Variants in TSNARE1 observed in about 807,000 individuals in gnomAD.
The protein encoded by TSNARE1 is t-SNARE domain-containing protein 1.
A neutral mutation model predicts 62.0 loss-of-function variants in TSNARE1; 49 were observed. That is an observed-to-expected ratio of 0.79 (90% CI 0.63 to 1.00). TSNARE1 has a LOEUF of 1.00. Ranked by LOEUF, TSNARE1 falls within the 50% of genes least tolerant of loss-of-function variation. The pLI is 0.00. For synonymous variants in TSNARE1, 328 were observed against 294.4 expected, an observed-to-expected ratio of 1.11 and a Z score of -1.17; for missense variants, 755 against 700.1, an observed-to-expected ratio of 1.08 and a Z score of -0.88.
chr8:142,331,476 A>C (rs919927526), intron 5 of TSNARE1, among the ~76,000 whole-genome samples: 7 of 152,204 alleles, frequency 4.6e-5, no homozygotes, highest in Non-Finnish European at 8.8e-5. Context: ...GGCAGGGGGC[A>C]GCAGGCAGGA....
intron 1 of TSNARE1, among the ~76,000 whole-genome samples, chr8:142,368,322 G>C (rs1484470981): frequency 6.6e-6 from 1 of 152,132 alleles, no homozygotes; most frequent in Non-Finnish European, 1.5e-5. Flanking sequence ...TATAAAACTG[G>C]TGCTTAAACA....
intron 1 of TSNARE1, among the ~76,000 whole-genome samples, chr8:142,374,493 A>G (rs901873382): frequency 2.0e-5 from 3 of 151,680 alleles, no homozygotes; most frequent in African/African-American, 7.3e-5. Flanking sequence ...CCTGGCTAAC[A>G]TGGTGAAACC....
intron 12 of TSNARE1, among the ~76,000 whole-genome samples, chr8:142,251,808 C>G (rs1818180717): frequency 6.8e-6 from 1 of 147,088 alleles, no homozygotes; most frequent in Non-Finnish European, 1.5e-5. Context: ...GCCCGGGCAC[C>G]ATGTACCCGC....
At position 142,311,018 on chromosome 8, in the gene TSNARE1, T is replaced by C. The variant is rs569353384; in HGVS notation, c.1131+3366A>G. Among the ~76,000 whole-genome samples the C allele has an allele frequency of 7.2e-5, 11 of 151,946 alleles. No individual in the cohort carries two copies. In the East Asian group the frequency reaches 2.2e-3, roughly 30 times the overall value. ...CACCTGCCACCACACCCGACAAAAA[T>C]TATGTATTTTTAGTAGAGACGGGGT... On this transcript the variant is annotated intron_variant, in intron 9 of 13. Coordinates refer to ENST00000524325, the MANE Select transcript of TSNARE1 (RefSeq NM_145003.5).
intron 4 of TSNARE1, among the ~76,000 whole-genome samples, chr8:142,332,229 G>A (rs1039692307): frequency 1.4e-4 from 22 of 152,208 alleles, no homozygotes; most frequent in African/African-American, 4.6e-4. Context: ...GCTCTGCACC[G>A]GCAGCTCAGC....
At chr8:142,247,237 G>C (rs780528266) in intron 12 of TSNARE1, among the ~76,000 whole-genome samples, 20 of 152,180 alleles carry the variant, frequency 1.3e-4, no homozygotes, top group Non-Finnish European at 1.5e-4. Context: ...GAGAACGGCT[G>C]CCTGGACTGA....
intron 1 of TSNARE1, among the ~76,000 whole-genome samples, chr8:142,393,897 C>T (rs747238728): frequency 4.6e-5 from 7 of 152,194 alleles, no homozygotes; most frequent in Non-Finnish European, 7.3e-5. Context: ...CACTTCCTGG[C>T]CTCTTGTGGT....
At chr8:142,360,299 CGGAG>C (rs1361538674) in intron 1 of TSNARE1, among the ~76,000 whole-genome samples, 2 of 152,098 alleles carry the variant, frequency 1.3e-5, no homozygotes, top group Admixed American at 1.3e-4. Context: ...GAGGGGGACA[CGGAG>C]TCCCTTGGGG....
intron 1 of TSNARE1, among the ~76,000 whole-genome samples, chr8:142,356,343 T>TC (rs1325050225): frequency 6.6e-6 from 1 of 152,032 alleles, no homozygotes; most frequent in East Asian, 1.9e-4. Context: ...CGCCATGGCC[T>TC]CCCTCCCCTC....
chr8:142,348,689 G>A (rs910434033), intron 2 of TSNARE1, among the ~76,000 whole-genome samples: 2 of 150,668 alleles, frequency 1.3e-5, no homozygotes, highest in African/African-American at 2.5e-5. Context: ...AGGGCGTGTC[G>A]ACATTTTCTT....
At chr8:142,280,054 G>A (rs533462767) in intron 11 of TSNARE1, 73 of 1,236,176 alleles carry the variant, frequency 5.9e-5, no homozygotes, top group Middle Eastern at 7.0e-4. Context: ...GTAGCCCAGC[G>A]CGTTCACTGC....
At chr8:142,393,013 G>A (rs927741860) in intron 1 of TSNARE1, among the ~76,000 whole-genome samples, 6 of 151,442 alleles carry the variant, frequency 4.0e-5, no homozygotes, top group African/African-American at 1.5e-4. Context: ...CGGCTGGGCC[G>A]GCCAGGGATA....
intron 1 of TSNARE1, among the ~76,000 whole-genome samples, chr8:142,369,573 A>ATT (rs1835783416): frequency 6.6e-6 from 1 of 152,240 alleles, no homozygotes; most frequent in African/African-American, 2.4e-5. Flanking sequence ...CTTCTATGTG[A>ATT]AAGGTCCCAG....
intron 1 of TSNARE1, among the ~76,000 whole-genome samples, chr8:142,362,124 C>T (rs562611331): frequency 6.6e-6 from 1 of 152,332 alleles, no homozygotes; most frequent in Non-Finnish European, 1.5e-5. Flanking sequence ...GCAGCTTTCA[C>T]CACACCCCTA....
At chr8:142,331,150 G>T (rs1188392438) in intron 5 of TSNARE1, among the ~76,000 whole-genome samples, 180 bp from the exon 6 acceptor site, 4 of 152,222 alleles carry the variant, frequency 2.6e-5, no homozygotes, top group African/African-American at 9.6e-5. Context: ...TCAGCATAAG[G>T]TCACGCCCGC....
chr8:142,268,746 C>G (rs1336152093), intron 12 of TSNARE1, among the ~76,000 whole-genome samples: 2 of 152,184 alleles, frequency 1.3e-5, no homozygotes, highest in African/African-American at 2.4e-5. Context: ...CCATTCCTTC[C>G]CTACACCCTG....
chr8:142,294,234 C>T (rs868848310), intron 10 of TSNARE1, among the ~76,000 whole-genome samples: 4 of 151,990 alleles, frequency 2.6e-5, no homozygotes, highest in Admixed American at 6.5e-5. Flanking sequence ...GTGCCCAGGG[C>T]CCCTGGGAGA....
chr8:142,378,964 C>T (rs1040966063), intron 1 of TSNARE1, among the ~76,000 whole-genome samples: 2 of 152,222 alleles, frequency 1.3e-5, no homozygotes, highest in African/African-American at 4.8e-5. Flanking sequence ...TTCCCACCAG[C>T]AGGCTCTGTG....
At chr8:142,269,962 G>GT in intron 12 of TSNARE1, 1 of 985,468 alleles carries the variant, frequency 1.0e-6, no homozygotes, top group Non-Finnish European at 1.2e-6. Flanking sequence ...CAGGGATGCT[G>GT]TAGTCTTTTG....
Sources: gnomAD v4.1 joint callset for allele counts (sites outside exome capture counted in the v4.1 genomes callset) on GRCh38, gnomAD v4.1.1 for gene constraint, MANE v1.5 for transcripts, NCBI Gene and HGNC (gene_info 2026-07-23, HGNC 2026-07-21) for gene names.